Variants in PTPN14 observed in about 807,000 individuals in gnomAD.
PTPN14 encodes the protein tyrosine-protein phosphatase non-receptor type 14.
A neutral mutation model predicts 126.8 loss-of-function variants in PTPN14; 53 were observed. The observed-to-expected ratio is 0.42, with a 90% CI of 0.34 to 0.53. The LOEUF (loss-of-function observed/expected upper bound fraction) is 0.53, where lower values mean the gene tolerates loss of function less well. Among genes scored for constraint, PTPN14 ranks in the 20% least tolerant of loss-of-function variants. PTPN14 has a pLI of 0.08. For missense variants in PTPN14, 1,257 were observed against 1,552.9 expected (o/e 0.81, Z 3.20); for synonymous variants, 630 against 599.3 (o/e 1.05, Z -0.75).
At chr1:214,415,094 T>C (rs1659396894) in intron 3 of PTPN14, among the ~76,000 whole-genome samples, 1 of 152,220 alleles carries the variant, frequency 6.6e-6, no homozygotes, top group Non-Finnish European at 1.5e-5. Context: ...CTCAACAGTG[T>C]GCGTTCCTGA....
intron 1 of PTPN14, among the ~76,000 whole-genome samples, chr1:214,508,456 G>A (rs971848833): frequency 4.6e-5 from 7 of 152,184 alleles, no homozygotes; most frequent in East Asian, 1.9e-4. Context: ...TCATGAGACC[G>A]CAGCAATTCA....
chr1:214,468,350 G>A (rs1660685917), intron 1 of PTPN14, among the ~76,000 whole-genome samples: 2 of 152,188 alleles, frequency 1.3e-5, no homozygotes, highest in African/African-American at 2.4e-5. Flanking sequence ...GAGGTCAAGA[G>A]TTTGAGACCA....
chr1:214,520,065 A>AAAAAAAAAAAAAAAAAATATAT, intron 1 of PTPN14, among the ~76,000 whole-genome samples: 1 of 71,142 alleles, frequency 1.4e-5, no homozygotes, highest in African/African-American at 7.3e-5. Context: ...AAAAAAAAAA[A>AAAAAAAAAAAAAAAAAATATAT]ATATATATAT....
intron 1 of PTPN14, among the ~76,000 whole-genome samples, chr1:214,525,339 A>G (rs557417561): frequency 6.6e-6 from 1 of 152,344 alleles, no homozygotes; most frequent in South Asian, 2.1e-4. Context: ...GAACCTCTGA[A>G]AATATATCCA....
intron 1 of PTPN14, among the ~76,000 whole-genome samples, chr1:214,520,065 A>AAAAAAAAAAATATATATATAT: frequency 1.4e-5 from 1 of 71,112 alleles, no homozygotes; most frequent in East Asian, 4.8e-4. Context: ...AAAAAAAAAA[A>AAAAAAAAAAATATATATATAT]ATATATATAT....
intron 1 of PTPN14, among the ~76,000 whole-genome samples, chr1:214,477,503 T>C (rs922072945): frequency 6.6e-6 from 1 of 152,178 alleles, no homozygotes; most frequent in Admixed American, 6.5e-5. Flanking sequence ...TAGCTCTCAG[T>C]GATATTACAA....
At chr1:214,439,861 TA>T (rs1659999577) in intron 3 of PTPN14, among the ~76,000 whole-genome samples, 1 of 152,194 alleles carries the variant, frequency 6.6e-6, no homozygotes, top group African/African-American at 2.4e-5. Flanking sequence ...AGACGTTAAA[TA>T]AAACCCATTT....
At chr1:214,413,023 C>A (rs1244051862) in intron 4 of PTPN14, among the ~76,000 whole-genome samples, 1 of 152,050 alleles carries the variant, frequency 6.6e-6, no homozygotes, top group African/African-American at 2.4e-5. Flanking sequence ...GTGCACAACA[C>A]CATACTGGGC....
intron 5 of PTPN14, among the ~76,000 whole-genome samples, chr1:214,406,492 A>G (rs1288727903): frequency 2.1e-5 from 3 of 139,864 alleles, no homozygotes; most frequent in Non-Finnish European, 5.0e-5. Flanking sequence ...AAAAAAAAAG[A>G]AAAAAAAAAG....
intron 14 of PTPN14, 57 bp downstream of exon 14, chr1:214,377,902 T>A: frequency 6.5e-7 from 1 of 1,546,386 alleles, no homozygotes; most frequent in Non-Finnish European, 8.7e-7. Context: ...GCAAGGAGGG[T>A]GTTTTGGGAT....
chr1:214,380,878 C>T (rs1322355197), intron 13 of PTPN14, among the ~76,000 whole-genome samples: 1 of 152,156 alleles, frequency 6.6e-6, no homozygotes, highest in South Asian at 2.1e-4. Context: ...TTGTCACCAC[C>T]TTGCCTGGCC....
At chr1:214,416,599 A>G (rs1313652425) in intron 3 of PTPN14, among the ~76,000 whole-genome samples, 2 of 152,168 alleles carry the variant, frequency 1.3e-5, no homozygotes, top group Admixed American at 1.3e-4. Flanking sequence ...TGGGTGTAGG[A>G]TTTTGCTGGA....
chr1:214,511,367 T>C (rs1284161119), intron 1 of PTPN14, among the ~76,000 whole-genome samples: 2 of 151,978 alleles, frequency 1.3e-5, no homozygotes, highest in Non-Finnish European at 2.9e-5. Flanking sequence ...GACTACCAAA[T>C]TGTAAAATAC....
At position 214,384,878 on chromosome 1, in the gene PTPN14, T is replaced by G; in HGVS notation, c.1067-90A>C. On this transcript the variant is annotated intron_variant, in intron 12 of 18. Coordinates refer to ENST00000366956, the MANE Select transcript of PTPN14 (RefSeq NM_005401.5). This position sits in a 1 kb window ranked among gnomAD's most constrained non-coding sequence, Gnocchi z 5.3. ...CATACTCATGAGGTGACTTTTAATT[T>G]AAACAAATCATAAAAAGTGAAATCC... The G allele has an allele frequency of 6.9e-7, 1 of 1,456,836 alleles. No homozygotes were observed. Among genetic ancestry groups the G allele is most frequent in the African/African-American group, 1.4e-5 (1 of 70,678 alleles). The allele number at this position is 1,456,836 out of a possible 1,614,324, so 90.2% of individuals were successfully genotyped here. A position where few individuals can be genotyped will look rare whatever the true frequency, so the allele number is the denominator to read the frequency against.
intron 2 of PTPN14, 128 bp downstream of exon 2, chr1:214,464,502 C>T: frequency 1.6e-6 from 2 of 1,239,762 alleles, no homozygotes; most frequent in Non-Finnish European, 2.2e-6. Flanking sequence ...CTTATAAACA[C>T]ATCGTCGCTT....
intron 1 of PTPN14, among the ~76,000 whole-genome samples, chr1:214,496,760 G>A (rs1022959927): frequency 1.3e-5 from 2 of 151,312 alleles, no homozygotes. Flanking sequence ...CTATGATTCA[G>A]TTTTAACTTA....
chr1:214,495,662 T>TA (rs1317579319), intron 1 of PTPN14, among the ~76,000 whole-genome samples: 10 of 2,192 alleles, frequency 4.6e-3, no homozygotes, highest in African/African-American at 6.9e-3. Context: ...TATTTTATTT[T>TA]TTTTATTTAT....
Position 214,464,936 on chromosome 1 carries a change from AGT to A in PTPN14, c.-135_-134del. 9.2e-7 allele frequency: 1 copy of A among 1,083,448 alleles called. No individual in the cohort carries two copies. Among genetic ancestry groups the A allele is most frequent in the Non-Finnish European group, 1.3e-6 (1 of 769,168 alleles). The allele number at this position is 1,083,448 out of a possible 1,614,324, so 67.1% of individuals were successfully genotyped here. On this transcript the variant is annotated 5_prime_UTR_variant, in exon 2 of 19. Coordinates refer to ENST00000366956, the MANE Select transcript of PTPN14 (RefSeq NM_005401.5). ...GGCAGGGAAAAGGGTGTCCATGCCC[AGT>A]GTGGCCCTCTGGAAGATAGCTGTAA...
intron 18 of PTPN14, among the ~76,000 whole-genome samples, chr1:214,362,505 C>T (rs946872857): frequency 2.6e-5 from 4 of 152,214 alleles, no homozygotes; most frequent in African/African-American, 9.6e-5. Flanking sequence ...TCCCTTACTC[C>T]AAACTGTTCC....
Sources: allele counts gnomAD v4.1 joint callset (sites outside exome capture counted in the v4.1 genomes callset), GRCh38; gene constraint gnomAD v4.1.1; non-coding constraint Gnocchi (gnomAD v3.1); transcripts MANE v1.5; gene names NCBI Gene and HGNC (gene_info 2026-07-23, HGNC 2026-07-21).